NTRK3: variants seen among roughly 807,000 people sequenced by gnomAD.
NTRK3 encodes the protein neurotrophic receptor tyrosine kinase 3.
In NTRK3, 24 loss-of-function variants were observed where a neutral mutation model predicts 91.7. That is an observed-to-expected ratio of 0.26 (90% confidence interval 0.19 to 0.37). NTRK3 has a LOEUF of 0.37. Ranked by LOEUF, NTRK3 falls within the 10% of genes least tolerant of loss-of-function variation. The pLI is 1.00. For missense variants in NTRK3, 880 were observed against 1,068.9 expected, an observed-to-expected ratio of 0.82 and a Z score of 2.46; for synonymous variants, 483 against 404.0, an observed-to-expected ratio of 1.20 and a Z score of -2.34.
intron 3 of NTRK3, among the ~76,000 whole-genome samples, chr15:88,190,716 G>A (rs1300172547): frequency 1.3e-5 from 2 of 152,236 alleles, no homozygotes; most frequent in Admixed American, 6.5e-5. Context: ...GAGATGACAC[G>A]CTAGCACCGG....
At chr15:87,971,022 T>C (rs1482692366) in intron 14 of NTRK3, among the ~76,000 whole-genome samples, 1 of 152,290 alleles carries the variant, frequency 6.6e-6, no homozygotes, top group East Asian at 1.9e-4. Context: ...AGGTTGGCCA[T>C]TTGGTATCAG....
intron 5 of NTRK3, among the ~76,000 whole-genome samples, chr15:88,172,246 T>C (rs1273438222): frequency 6.6e-6 from 1 of 152,172 alleles, no homozygotes. Flanking sequence ...GACACAAACC[T>C]GTTAGCCTGC....
chr15:88,070,179 G>A (rs150858769), intron 13 of NTRK3, among the ~76,000 whole-genome samples: 8 of 152,262 alleles, frequency 5.3e-5, no homozygotes, highest in African/African-American at 1.7e-4. Flanking sequence ...TTCTAAAAAC[G>A]AATGAGAAGA....
At chr15:88,249,299 G>C (rs1292166222) in intron 3 of NTRK3, among the ~76,000 whole-genome samples, 1 of 152,190 alleles carries the variant, frequency 6.6e-6, no homozygotes, top group African/African-American at 2.4e-5. Flanking sequence ...AATTGGTGTG[G>C]GCTGCAAGCT....
At chr15:88,148,592 T>G (rs2043094646) in intron 5 of NTRK3, among the ~76,000 whole-genome samples, 1 of 152,010 alleles carries the variant, frequency 6.6e-6, no homozygotes, top group Non-Finnish European at 1.5e-5. Context: ...AGGAAGCCAG[T>G]CAGGAAGTAG....
At chr15:88,115,394 C>T (rs2051929117) in intron 13 of NTRK3, among the ~76,000 whole-genome samples, 1 of 152,208 alleles carries the variant, frequency 6.6e-6, no homozygotes, top group South Asian at 2.1e-4. Context: ...ACAGGGTGCC[C>T]CTCTGCACCT....
chr15:88,068,403 C>A (rs573022336), intron 13 of NTRK3, among the ~76,000 whole-genome samples: 1 of 152,144 alleles, frequency 6.6e-6, no homozygotes, highest in African/African-American at 2.4e-5. Flanking sequence ...TGCACTCCAG[C>A]CTGGGCGAGA....
intron 13 of NTRK3, among the ~76,000 whole-genome samples, chr15:88,054,316 C>G (rs945871913): frequency 2.0e-5 from 3 of 152,180 alleles, no homozygotes; most frequent in African/African-American, 7.2e-5. Context: ...AGTTCACAGC[C>G]ACTTCCTCTA....
At chr15:88,057,678 C>T (rs538160415) in intron 13 of NTRK3, among the ~76,000 whole-genome samples, 28 of 152,298 alleles carry the variant, frequency 1.8e-4, no homozygotes, top group African/African-American at 6.5e-4. Flanking sequence ...TGATCAGTGC[C>T]TTCCAGTGCC....
intron 14 of NTRK3, chr15:87,981,332 C>T (rs2074249390): frequency 6.2e-7 from 1 of 1,610,234 alleles, no homozygotes; most frequent in Non-Finnish European, 8.5e-7. Flanking sequence ...AGTTTAATAT[C>T]CCATGATTGT....
At chr15:88,107,594 C>A (rs1659910442) in intron 13 of NTRK3, among the ~76,000 whole-genome samples, 1 of 152,134 alleles carries the variant, frequency 6.6e-6, no homozygotes, top group Non-Finnish European at 1.5e-5. Context: ...TTCACAGGCT[C>A]CCTGTTCTGA....
intron 3 of NTRK3, among the ~76,000 whole-genome samples, chr15:88,207,251 T>C (rs1274447519): frequency 6.6e-6 from 1 of 152,148 alleles, no homozygotes; most frequent in Non-Finnish European, 1.5e-5. Flanking sequence ...GGCACCTGCC[T>C]CCAGGATGGC....
chr15:87,914,486 G>C (rs1455029268), intron 17 of NTRK3, among the ~76,000 whole-genome samples: 1 of 152,146 alleles, frequency 6.6e-6, no homozygotes, highest in Non-Finnish European at 1.5e-5. Flanking sequence ...AGAAGATTTA[G>C]GCAAGTGGGG....
At chr15:88,068,138 A>G (rs1306905219) in intron 13 of NTRK3, among the ~76,000 whole-genome samples, 2 of 152,224 alleles carry the variant, frequency 1.3e-5, no homozygotes, top group Non-Finnish European at 2.9e-5. Flanking sequence ...ACAGAACACT[A>G]TTAAGGTTTA....
chr15:88,080,766 G>A (rs1043592355), intron 13 of NTRK3, among the ~76,000 whole-genome samples: 1 of 152,226 alleles, frequency 6.6e-6, no homozygotes, highest in Non-Finnish European at 1.5e-5. Context: ...TCCCTGGCCT[G>A]GTTTCATCAG....
chr15:87,916,460 G>A, intron 17 of NTRK3: 1 of 700,388 alleles, frequency 1.4e-6, no homozygotes, highest in Non-Finnish European at 2.6e-6. Context: ...CCTTTCCCGA[G>A]GACAGAATCC....
chr15:87,986,306 C>G (rs1248804366), intron 14 of NTRK3, among the ~76,000 whole-genome samples: 1 of 152,176 alleles, frequency 6.6e-6, no homozygotes, highest in African/African-American at 2.4e-5. Context: ...TGTAGAAACT[C>G]TGTGCCTACC....
intron 3 of NTRK3, among the ~76,000 whole-genome samples, chr15:88,238,195 A>T (rs1219919268): frequency 6.6e-6 from 1 of 152,204 alleles, no homozygotes; most frequent in Non-Finnish European, 1.5e-5. Flanking sequence ...CCGGAACCAT[A>T]AAAAACAAAC....
chr15:88,060,243 G>A (rs1326568108), intron 13 of NTRK3, among the ~76,000 whole-genome samples: 1 of 152,104 alleles, frequency 6.6e-6, no homozygotes, highest in Non-Finnish European at 1.5e-5. Flanking sequence ...AATTAGCCAG[G>A]CATGGTGGCA....
Sources: gnomAD v4.1 joint callset for allele counts (sites outside exome capture counted in the v4.1 genomes callset) on GRCh38, gnomAD v4.1.1 for gene constraint, MANE v1.5 for transcripts, NCBI Gene and HGNC (gene_info 2026-07-23, HGNC 2026-07-21) for gene names.